The following MEIKIN variants were observed in gnomAD, a reference collection of about 807,000 sequenced individuals.
MEIKIN encodes the protein meiosis-specific kinetochore protein.
intron 8 of MEIKIN, among the ~76,000 whole-genome samples, chr5:131,898,397 A>T (rs1751091244): frequency 6.6e-6 from 1 of 152,210 alleles, no homozygotes; most frequent in Non-Finnish European, 1.5e-5. Flanking sequence ...CCACTTGAGG[A>T]GGCAGTCTGT....
At chr5:131,824,883 A>G (rs572863332) in intron 11 of MEIKIN, among the ~76,000 whole-genome samples, 1 of 152,248 alleles carries the variant, frequency 6.6e-6, no homozygotes, top group East Asian at 1.9e-4. Flanking sequence ...TACAAAGAAC[A>G]GCAAACAAAA....
rs185328663 is a variant in MEIKIN at position 131,811,108 on chromosome 5, G to A, written c.1100-3850C>T. On this transcript the variant is annotated intron_variant, in intron 12 of 12. Coordinates refer to ENST00000442687, the MANE Select transcript of MEIKIN (RefSeq NM_001303622.2). Reference sequence around the variant, plus strand: ...TAGAAAGAGGCCAGGAGATGGCACCGTTAGTTCATTAGTTCAACATTAATG... The same window carrying A: ...TAGAAAGAGGCCAGGAGATGGCACCATTAGTTCATTAGTTCAACATTAATG... Among the ~76,000 whole-genome samples, 889 of 152,250 alleles carry A rather than the reference G, an allele frequency of 5.8e-3. 7 individuals carry two copies. Among genetic ancestry groups the A allele is most frequent in the South Asian group, 0.031 (150 of 4,820 alleles).
intron 7 of MEIKIN, among the ~76,000 whole-genome samples, chr5:131,914,540 GA>G (rs1428993588): frequency 4.6e-5 from 6 of 129,234 alleles, no homozygotes; most frequent in African/African-American, 1.7e-4. Flanking sequence ...GAGGGGAGGG[GA>G]AGGGGAAGGG....
rs1163902759 is a variant in MEIKIN at position 131,928,098 on chromosome 5, C to G, written c.478+5415G>C. 2.0e-5 allele frequency among the ~76,000 whole-genome samples: 3 copies of G among 148,142 alleles called. No homozygotes were observed. In the South Asian group the frequency reaches 6.4e-4, roughly 32 times the overall value. ...GGCGGAGCTTGCAGTGAGTTGAGAT[C>G]GCGCCACTGCACTCCAGCCTGGGCG... is the stretch of plus-strand genomic sequence containing the variant. On this transcript the variant is annotated intron_variant, in intron 5 of 12. Coordinates refer to ENST00000442687, the MANE Select transcript of MEIKIN (RefSeq NM_001303622.2).
At chr5:131,809,439 T>C (rs1444251900) in intron 12 of MEIKIN, among the ~76,000 whole-genome samples, 2 of 152,332 alleles carry the variant, frequency 1.3e-5, no homozygotes, top group East Asian at 1.9e-4. Flanking sequence ...ATTCTTTACA[T>C]GAGGTGGCAT....
intron 4 of MEIKIN, among the ~76,000 whole-genome samples, chr5:131,941,883 T>C (rs1489596869): frequency 1.3e-5 from 2 of 152,198 alleles, no homozygotes; most frequent in South Asian, 2.1e-4. Flanking sequence ...TCCTTCACTC[T>C]TCATTTGCCA....
At chr5:131,817,742 A>G (rs1052667770) in intron 12 of MEIKIN, among the ~76,000 whole-genome samples, 1 of 152,164 alleles carries the variant, frequency 6.6e-6, no homozygotes, top group Non-Finnish European at 1.5e-5. Flanking sequence ...AGGAACTTAT[A>G]AAAAAGGGAT....
At chr5:131,934,016 G>A (rs1751732492) in intron 4 of MEIKIN, among the ~76,000 whole-genome samples, 2 of 151,912 alleles carry the variant, frequency 1.3e-5, no homozygotes, top group Admixed American at 1.3e-4. Flanking sequence ...CACGATTTTG[G>A]CTCACTACAA....
intron 9 of MEIKIN, among the ~76,000 whole-genome samples, chr5:131,857,924 C>T (rs954095079): frequency 1.3e-5 from 2 of 152,318 alleles, no homozygotes; most frequent in East Asian, 1.9e-4. Flanking sequence ...GTACAGAATC[C>T]AGTGCCTCAC....
At chr5:131,868,175 G>C (rs1750424026) in intron 9 of MEIKIN, among the ~76,000 whole-genome samples, 6 of 152,070 alleles carry the variant, frequency 3.9e-5, no homozygotes, top group Admixed American at 3.3e-4. Context: ...TTGCAGCCTT[G>C]ACTTCCCAAA....
At chr5:131,941,755 T>A (rs575240839) in intron 4 of MEIKIN, among the ~76,000 whole-genome samples, 25 of 152,362 alleles carry the variant, frequency 1.6e-4, no homozygotes, top group African/African-American at 5.8e-4. Context: ...CATAACTTAA[T>A]ATACTAAAAA....
intron 8 of MEIKIN, among the ~76,000 whole-genome samples, chr5:131,889,014 T>C (rs1027228765): frequency 6.6e-6 from 1 of 152,200 alleles, no homozygotes; most frequent in African/African-American, 2.4e-5. Context: ...AAACATCAGA[T>C]AGTTGTAGAT....
At position 131,894,203 on chromosome 5, in the gene MEIKIN, G is replaced by A. The variant is rs556800360; in HGVS notation, c.704-15155C>T. 3.9e-5 allele frequency among the ~76,000 whole-genome samples: 6 copies of A among 152,252 alleles called. No individual in the cohort carries two copies. The East Asian group carries it at 5.8e-4, about 15-fold the overall frequency. On this transcript the variant is annotated intron_variant, in intron 8 of 12. Coordinates refer to ENST00000442687, the MANE Select transcript of MEIKIN (RefSeq NM_001303622.2). ...TTCTCAGGTTTGTCAAAAATCAGAC[G>A]GTTGTAGATGTGTGGTGTTATTTCT... is the stretch of plus-strand genomic sequence containing the variant.
At chr5:131,879,896 T>C (rs1750676837) in intron 8 of MEIKIN, among the ~76,000 whole-genome samples, 1 of 152,204 alleles carries the variant, frequency 6.6e-6, no homozygotes, top group African/African-American at 2.4e-5. Context: ...GCCTATCATA[T>C]GCATTTAAAA....
chr5:131,917,379 A>C (rs752791066), intron 6 of MEIKIN, among the ~76,000 whole-genome samples: 18 of 152,078 alleles, frequency 1.2e-4, no homozygotes, highest in Non-Finnish European at 2.4e-4. Flanking sequence ...CAGCCCAGGC[A>C]ACATGGTGAA....
At chr5:131,941,277 G>C (rs1348021080) in intron 4 of MEIKIN, among the ~76,000 whole-genome samples, 3 of 142,744 alleles carry the variant, frequency 2.1e-5, no homozygotes, top group Non-Finnish European at 4.5e-5. Flanking sequence ...TCTTGTCTCA[G>C]CCTCCCGAGT....
intron 8 of MEIKIN, among the ~76,000 whole-genome samples, chr5:131,880,160 G>A (rs1750680914): frequency 6.6e-6 from 1 of 152,026 alleles, no homozygotes; most frequent in Non-Finnish European, 1.5e-5. Context: ...CGCGATCTAG[G>A]CTCACTGCAA....
At chr5:131,898,110 TGTTGATGCTATTCCTTTCC>T (rs1448840875) in intron 8 of MEIKIN, among the ~76,000 whole-genome samples, 1 of 152,236 alleles carries the variant, frequency 6.6e-6, no homozygotes, top group Non-Finnish European at 1.5e-5. Context: ...TTTTCGTTGA[TGTTGATGCTATTCCTTTCC>T]GTTTGTTAGT....
chr5:131,943,135 G>A (rs79984943), intron 3 of MEIKIN, among the ~76,000 whole-genome samples: 2,782 of 152,036 alleles, frequency 0.018, 47 homozygotes, highest in Admixed American at 0.029. Flanking sequence ...ATGTACAAAA[G>A]TATAGCTATC....
Sources: allele counts gnomAD v4.1 joint callset (sites outside exome capture counted in the v4.1 genomes callset), GRCh38; gene constraint gnomAD v4.1.1; transcripts MANE v1.5; gene names NCBI Gene and HGNC (gene_info 2026-07-23, HGNC 2026-07-21).